The following KIDINS220 variants were observed in gnomAD, a reference collection of about 807,000 sequenced individuals.
KIDINS220 encodes the protein kinase D interacting substrate 220, also known as kinase D-interacting substrate of 220 kDa.
KIDINS220 carries 63 observed loss-of-function variants against 157.6 expected under a neutral mutation model. That is an observed-to-expected ratio of 0.40 (90% CI 0.33 to 0.49). The LOEUF (loss-of-function observed/expected upper bound fraction) is 0.49, where lower values mean the gene tolerates loss of function less well. Among genes scored for constraint, KIDINS220 ranks in the 20% least tolerant of loss-of-function variants. The probability of loss-of-function intolerance (pLI) is 0.66; values close to 1 mark genes in which losing one functional copy is unlikely to be tolerated. For missense variants in KIDINS220, 1,772 were observed against 2,171.2 expected (o/e 0.82, Z 3.65); for synonymous variants, 732 against 783.6 (o/e 0.93, Z 1.10).
chr2:8,774,639 A>C (rs2148185484), intron 21 of KIDINS220, among the ~76,000 whole-genome samples: 1 of 152,296 alleles, frequency 6.6e-6, no homozygotes, highest in Middle Eastern at 3.4e-3. Context: ...TTGCAGGAGG[A>C]GCCTTTTGAT....
intron 22 of KIDINS220, among the ~76,000 whole-genome samples, chr2:8,763,072 T>C (rs756997834): frequency 6.6e-6 from 1 of 152,220 alleles, no homozygotes; most frequent in African/African-American, 2.4e-5. Context: ...AATAAGTTAT[T>C]CTAAATACTC....
downstream of KIDINS220, among the ~76,000 whole-genome samples, chr2:8,728,510 G>A (rs981327637): frequency 6.6e-6 from 1 of 152,160 alleles, no homozygotes; most frequent in African/African-American, 2.4e-5. Context: ...ACACATAGAC[G>A]CACAGGTTCA....
At chr2:8,780,167 G>C (rs1671501976) in intron 17 of KIDINS220, among the ~76,000 whole-genome samples, 1 of 152,208 alleles carries the variant, frequency 6.6e-6, no homozygotes, top group Admixed American at 6.5e-5. Flanking sequence ...CTACACTGCT[G>C]CTGGCTCCCT....
chr2:8,819,914 T>G (rs1677670213), intron 2 of KIDINS220, among the ~76,000 whole-genome samples: 1 of 152,154 alleles, frequency 6.6e-6, no homozygotes, highest in Admixed American at 6.5e-5. Context: ...CTAAGGCATA[T>G]GAGAAAAATG....
intron 12 of KIDINS220, among the ~76,000 whole-genome samples, chr2:8,792,929 T>A (rs1673404629): frequency 6.6e-6 from 1 of 152,344 alleles, no homozygotes; most frequent in South Asian, 2.1e-4. Context: ...AATAGCGAAC[T>A]CAATGTACGA....
chr2:8,775,420 G>A (rs1670833790), intron 21 of KIDINS220, among the ~76,000 whole-genome samples: 2 of 152,126 alleles, frequency 1.3e-5, no homozygotes, highest in South Asian at 2.1e-4. Context: ...GGAGATGAAG[G>A]CTAACCACCA....
At chr2:8,795,488 A>T (rs1205808419) in intron 11 of KIDINS220, among the ~76,000 whole-genome samples, 2 of 152,198 alleles carry the variant, frequency 1.3e-5, no homozygotes, top group African/African-American at 4.8e-5. Context: ...GTCACTTTTA[A>T]AATTGTTTTT....
chr2:8,828,920 C>T (rs1355142370), intron 1 of KIDINS220, among the ~76,000 whole-genome samples: 2 of 152,146 alleles, frequency 1.3e-5, no homozygotes, highest in African/African-American at 4.8e-5. Flanking sequence ...ACACCCAGAC[C>T]CTCTCATACC....
intron 21 of KIDINS220, among the ~76,000 whole-genome samples, chr2:8,773,045 C>G (rs1670446990): frequency 6.6e-6 from 1 of 152,176 alleles, no homozygotes; most frequent in African/African-American, 2.4e-5. Flanking sequence ...ATCAAAATTT[C>G]ATTAAACACA....
At chr2:8,732,393 G>T (rs1363090658) in intron 29 of KIDINS220, among the ~76,000 whole-genome samples, 1 of 152,094 alleles carries the variant, frequency 6.6e-6, no homozygotes, top group Non-Finnish European at 1.5e-5. Flanking sequence ...CCACATGCTC[G>T]GCCACAGCAC....
At chr2:8,791,443 A>T (rs1041243414) in intron 12 of KIDINS220, among the ~76,000 whole-genome samples, 1 of 152,236 alleles carries the variant, frequency 6.6e-6, no homozygotes, top group Non-Finnish European at 1.5e-5. Context: ...TTTCATAAAA[A>T]GTTTCAGATA....
chr2:8,725,174 A>C (rs534631207), downstream of KIDINS220: 2 of 152,340 alleles, frequency 1.3e-5, no homozygotes, highest in African/African-American at 4.8e-5. Flanking sequence ...CTTCTTTCAA[A>C]ATAAAAATAG....
In KIDINS220 at chr2:8,750,157, G is replaced by C; in HGVS notation, c.3369C>G (p.Ser1123Arg). 6.2e-7 allele frequency: 1 copy of C among 1,614,178 alleles called. No homozygotes were observed. The highest frequency in any genetic ancestry group is 8.5e-7 in the Non-Finnish European group (1 of 1,180,002). ...GAGGGCCCGTCATGCCGCTGTAATA[G>C]CTGCTGTGAGGCTGTGGTGACACCA... is the stretch of plus-strand genomic sequence containing the variant. Reference protein sequence around the residue: ...GGVVSPQPHSSYYSGMTGPQH... With the variant: ...GGVVSPQPHSRYYSGMTGPQH... Residue 1123 changes from serine to arginine, a missense_variant, in exon 24 of 30, where the codon AGC (serine) becomes AGG (arginine). Physicochemically the swap from Ser to Arg is moderately radical, Grantham distance 110. Transcript: ENST00000256707.
rs1665527221 is a variant in KIDINS220 at position 8,740,854 on chromosome 2, A to T, written c.3586-3855T>A. Among the ~76,000 whole-genome samples the T allele has an allele frequency of 3.3e-5, 5 of 152,246 alleles. No individual in the cohort carries two copies. The South Asian group carries it at 1.0e-3, about 31-fold the overall frequency. ...CAGTTATTCTTCTGTACTTAGATTG[A>T]TAATAAATATTCTTAAAATGCTTAA... On this transcript the variant is annotated intron_variant, in intron 26 of 29. Transcript: ENST00000256707.
At chr2:8,784,965 C>A (rs544431059) in intron 17 of KIDINS220, among the ~76,000 whole-genome samples, 5 of 152,324 alleles carry the variant, frequency 3.3e-5, no homozygotes, top group East Asian at 3.9e-4. Flanking sequence ...AAGTTTATAG[C>A]AGCTTTATTC....
chr2:8,781,143 A>AT (rs1245292953), intron 17 of KIDINS220, among the ~76,000 whole-genome samples: 1 of 4,990 alleles, frequency 2.0e-4, no homozygotes, highest in Non-Finnish European at 3.4e-4. Context: ...ATTAATTATT[A>AT]TATATATATA....
intron 13 of KIDINS220, 32 bp downstream of exon 13, chr2:8,791,028 A>G (rs1159015837): frequency 6.3e-7 from 1 of 1,583,712 alleles, no homozygotes; most frequent in Admixed American, 1.8e-5. Context: ...CTTGCTTTAT[A>G]TATACAGACT....
chr2:8,836,581 T>C (rs1680434103), intron 1 of KIDINS220, among the ~76,000 whole-genome samples: 1 of 152,222 alleles, frequency 6.6e-6, no homozygotes, highest in African/African-American at 2.4e-5. Flanking sequence ...CTGATGAAAG[T>C]AGTCCATGCT....
chr2:8,776,867 T>C lies in KIDINS220; in HGVS notation c.2729A>G (p.Gln910Arg), dbSNP rs1306876028. 38 of 1,613,938 alleles carry C rather than the reference T, an allele frequency of 2.4e-5. No individual in the cohort carries two copies. The highest frequency in any genetic ancestry group is 2.9e-5 in the Non-Finnish European group (34 of 1,179,914). Residue 910 changes from glutamine to arginine, a missense_variant, in exon 21 of 30, where the codon CAG (glutamine) becomes CGG (arginine). Around this residue, in one of 3 missense-constraint regions of KIDINS220, gnomAD observed 725 missense variants for 1,017.1 expected, o/e 0.71. Transcript: ENST00000256707. The stretch of plus-strand genomic sequence containing the variant: ...GGACATCTGGCGAGTGATGGTCCTC[T>C]GCATCTGCCTTCTTCGGTAAGTGTC... ...RRDTYRRRQM[Q>R]RTITRQMSFD...
Sources: gnomAD v4.1 joint callset for allele counts (sites outside exome capture counted in the v4.1 genomes callset) on GRCh38, gnomAD v4.1.1 for gene constraint, gnomAD v4.1.1 regional missense constraint, MANE v1.5 for transcripts, NCBI Gene and HGNC (gene_info 2026-07-23, HGNC 2026-07-21) for gene names.